The following USP31 variants were observed in gnomAD, a reference collection of about 807,000 sequenced individuals.
USP31 encodes the protein ubiquitin carboxyl-terminal hydrolase 31.
A neutral mutation model predicts 119.4 loss-of-function variants in USP31; 44 were observed. That is an observed-to-expected ratio of 0.37 (90% CI 0.29 to 0.47). The LOEUF (loss-of-function observed/expected upper bound fraction) is 0.47. USP31 is among the 20% of genes least tolerant of loss of function. USP31 has a pLI of 0.99. For synonymous variants in USP31, 749 were observed against 705.6 expected, an observed-to-expected ratio of 1.06 and a Z score of -0.97; for missense variants, 1,643 against 1,730.2, an observed-to-expected ratio of 0.95 and a Z score of 0.89.
chr16:23,120,684 A>G (rs184533467), intron 1 of USP31, among the ~76,000 whole-genome samples: 145 of 152,378 alleles, frequency 9.5e-4, no homozygotes, highest in African/African-American at 3.4e-3. Context: ...TGAGCAAGTA[A>G]AAGAAGGTAG....
At chr16:23,114,172 G>A (rs1241449952) in intron 1 of USP31, among the ~76,000 whole-genome samples, 1 of 152,144 alleles carries the variant, frequency 6.6e-6, no homozygotes, top group East Asian at 1.9e-4. Context: ...AGGCTGCAGA[G>A]GAACTGGCCT....
intron 1 of USP31, among the ~76,000 whole-genome samples, chr16:23,136,075 G>T (rs1266347392): frequency 6.6e-6 from 1 of 152,112 alleles, no homozygotes; most frequent in East Asian, 1.9e-4. Context: ...TTTTCAACAA[G>T]GGTACCAAGA....
chr16:23,133,281 C>G (rs1050210648), intron 1 of USP31, among the ~76,000 whole-genome samples: 1 of 152,166 alleles, frequency 6.6e-6, no homozygotes. Flanking sequence ...ACTGGCCCAC[C>G]ACCAGCACAT....
intron 14 of USP31, chr16:23,072,507 C>CCTG: frequency 1.7e-6 from 1 of 580,454 alleles, no homozygotes; most frequent in Non-Finnish European, 3.0e-6. Context: ...TAGACAAGCA[C>CCTG]TCATACATTC....
rs868478080 is a variant in USP31, at chr16:23,065,321, T to C, written c.*2725A>G. The stretch of plus-strand genomic sequence containing the variant: ...ATTGTGCTAAATATTGCTGGGAAAA[T>C]TAAAAAAAAAAAAAAAAAGAAAAGA... On this transcript the variant is annotated 3_prime_UTR_variant, in exon 16 of 16. Coordinates refer to ENST00000219689, the MANE Select transcript of USP31 (RefSeq NM_020718.4). The C allele has an allele frequency of 1.7e-5, 2 of 118,392 alleles. No homozygotes were observed. The highest frequency in any genetic ancestry group is 6.3e-5 in the African/African-American group (2 of 31,618). 7.3% of individuals were successfully genotyped at this position (118,392 alleles called of 1,614,324 possible).
intron 1 of USP31, among the ~76,000 whole-genome samples, chr16:23,121,776 C>T (rs1296023437): frequency 1.3e-5 from 2 of 151,864 alleles, no homozygotes; most frequent in Non-Finnish European, 1.5e-5. Context: ...CTTAACAATG[C>T]TAGTGGTAAA....
intron 1 of USP31, among the ~76,000 whole-genome samples, chr16:23,117,750 T>A (rs912980112): frequency 7.2e-6 from 1 of 138,578 alleles, no homozygotes; most frequent in African/African-American, 2.5e-5. Context: ...TTTTTCCTTT[T>A]CTTTTTTTTT....
Position 23,135,137 on chromosome 16 carries a change from T to TA in USP31, c.633+13500dup, listed in dbSNP as rs71151697. ...CAAAATTCAACACTCTTTCATGATT[T>TA]AAAAAAAAAAAAAAAAAACACTCAA... On this transcript the variant is annotated intron_variant, in intron 1 of 15. Transcript: ENST00000219689. Among the ~76,000 whole-genome samples the TA allele has an allele frequency of 6.2e-3, 795 of 127,832 alleles. 7 individuals carry two copies. Among genetic ancestry groups the TA allele is most frequent in the African/African-American group, 0.015 (520 of 34,466 alleles). The allele number at this position is 127,832 out of a possible 152,430, so 83.9% of individuals were successfully genotyped here.
chr16:23,117,946 G>A (rs753975661), intron 1 of USP31, among the ~76,000 whole-genome samples: 4 of 151,960 alleles, frequency 2.6e-5, no homozygotes, highest in Non-Finnish European at 4.4e-5. Flanking sequence ...ACGCCACCAC[G>A]TCCTGCTAAT....
At chr16:23,093,270 A>G (rs1901449879) in intron 6 of USP31, among the ~76,000 whole-genome samples, 1 of 152,228 alleles carries the variant, frequency 6.6e-6, no homozygotes, top group Non-Finnish European at 1.5e-5. Flanking sequence ...TGCAAGTCAT[A>G]TATCCCATAA....
At chr16:23,086,824 G>A (rs1324320061) in intron 9 of USP31, among the ~76,000 whole-genome samples, 1 of 152,236 alleles carries the variant, frequency 6.6e-6, no homozygotes, top group Non-Finnish European at 1.5e-5. Context: ...CTTCATTCCT[G>A]GTGAATATGA....
Position 23,140,660 on chromosome 16 carries a change from A to G in USP31, c.633+7978T>C, listed in dbSNP as rs145856506. On this transcript the variant is annotated intron_variant, in intron 1 of 15. Transcript: ENST00000219689. Reference sequence around the variant, plus strand: ...AATACCATCCAGTGGTGACGCCTCCAAAATGTTTATCTTATCTTCTGAGTT... The same window carrying G: ...AATACCATCCAGTGGTGACGCCTCCGAAATGTTTATCTTATCTTCTGAGTT... Among the ~76,000 whole-genome samples the G allele has an allele frequency of 9.3e-4, 142 of 152,294 alleles. 1 individual carries two copies. Among genetic ancestry groups the G allele is most frequent in the East Asian group, 8.1e-3 (42 of 5,184 alleles).
chr16:23,084,011 C>G (rs1314731456), intron 11 of USP31, among the ~76,000 whole-genome samples: 1 of 152,140 alleles, frequency 6.6e-6, no homozygotes, highest in Non-Finnish European at 1.5e-5. Flanking sequence ...ACAAAAGATA[C>G]TCAAACTCAG....
chr16:23,094,007 A>G (rs1901489955), intron 6 of USP31, among the ~76,000 whole-genome samples: 1 of 152,138 alleles, frequency 6.6e-6, no homozygotes, highest in Non-Finnish European at 1.5e-5. Flanking sequence ...GACAGTGGGT[A>G]CTGCCCACGG....
chr16:23,115,445 C>G (rs192311380), intron 1 of USP31, among the ~76,000 whole-genome samples: 1 of 152,162 alleles, frequency 6.6e-6, no homozygotes, highest in Admixed American at 6.5e-5. Flanking sequence ...ATGGCTTGAG[C>G]CCAGTTCAAG....
At chr16:23,094,503 C>A (rs371322184) in intron 6 of USP31, among the ~76,000 whole-genome samples, 4 of 152,196 alleles carry the variant, frequency 2.6e-5, no homozygotes, top group African/African-American at 7.2e-5. Context: ...GTGGTTCTCC[C>A]AGCATGGCAT....
At chr16:23,123,069 G>A (rs1008304562) in intron 1 of USP31, among the ~76,000 whole-genome samples, 2 of 152,114 alleles carry the variant, frequency 1.3e-5, no homozygotes, top group Non-Finnish European at 2.9e-5. Flanking sequence ...GTTAGAAGAC[G>A]ATCTAATGGA....
At chr16:23,089,433 G>A (rs907253153) in intron 7 of USP31, among the ~76,000 whole-genome samples, 2 of 152,316 alleles carry the variant, frequency 1.3e-5, no homozygotes, top group Middle Eastern at 3.4e-3. Flanking sequence ...AGCTCCATGA[G>A]GACACAGACC....
At chr16:23,113,362 G>A (rs572804148) in intron 1 of USP31, among the ~76,000 whole-genome samples, 1 of 152,304 alleles carries the variant, frequency 6.6e-6, no homozygotes, top group South Asian at 2.1e-4. Context: ...GGGAACATAT[G>A]GTGAGAAGAG....
Sources: gnomAD v4.1 joint callset for allele counts (sites outside exome capture counted in the v4.1 genomes callset) on GRCh38, gnomAD v4.1.1 for gene constraint, MANE v1.5 for transcripts, NCBI Gene and HGNC (gene_info 2026-07-23, HGNC 2026-07-21) for gene names.